The following PIGO variants were observed in gnomAD, a reference collection of about 807,000 sequenced individuals.
The protein encoded by PIGO is GPI ethanolamine phosphate transferase 3, catalytic subunit.
In PIGO, 66 loss-of-function variants were observed where a neutral mutation model predicts 86.9. The observed-to-expected ratio is 0.76, with a 90% CI of 0.62 to 0.93. PIGO has a LOEUF of 0.93. Among genes scored for constraint, PIGO ranks in the 40% least tolerant of loss-of-function variants. PIGO has a pLI of 0.00. For missense variants in PIGO, 1,202 were observed against 1,359.1 expected, an observed-to-expected ratio of 0.88 and a Z score of 1.82; for synonymous variants, 570 against 556.4, an observed-to-expected ratio of 1.02 and a Z score of -0.34.
In PIGO at chr9:35,090,130, G is replaced by A; in HGVS notation, c.3005C>T (p.Pro1002Leu). Residue 1002 changes from proline (P) to leucine (L), a missense_variant, in exon 9 of 11, where the codon CCT becomes CTT. Coordinates refer to ENST00000378617, the MANE Select transcript of PIGO (RefSeq NM_032634.4). ...PLMEMRLRDA[P>L]QHFYAALLQL... is the part of the protein sequence containing the mutation. ...CAGCAGTGCTGCATAGAAGTGCTGA[G>A]GCGCATCCCGGAGCCGCATCTCCAT... 2 of 1,614,258 alleles carry A rather than the reference G, an allele frequency of 1.2e-6. No individual in the cohort carries two copies. Among genetic ancestry groups the A allele is most frequent in the Non-Finnish European group, 1.7e-6 (2 of 1,180,046 alleles).
chr9:35,091,598 C>T lies in PIGO; in HGVS notation c.2289G>A (p.Val763=), dbSNP rs751387350. 2.5e-6 allele frequency: 4 copies of T among 1,613,892 alleles called. No homozygotes were observed. Among genetic ancestry groups the T allele is most frequent in the East Asian group, 4.5e-5 (2 of 44,880 alleles). The change falls in exon 7 of 11, where the codon GTG becomes GTA. Residue 763 remains valine (V), a synonymous_variant. Coordinates refer to ENST00000378617, the MANE Select transcript of PIGO (RefSeq NM_032634.4). ...CTGCCCCAGCCTTCACCAGCACTGT[C>T]ACAGGCTTCCAGAGCAGCAGCGCGA... ...SGLALLLWKP[V]TVLVKAGAGA...
rs1829342225 is a variant in PIGO, at chr9:35,090,077, G to A, written c.3058C>T (p.Leu1020Phe). ...TCTCCTACACCCACCTGAATACCAA[G>A]GATAAAGAGGTACTTGAGGCCCAGC... ...LQLGLKYLFI[L>F]GIQILACALA... The change falls in exon 9 of 11, where the codon CTT (leucine) becomes TTT (phenylalanine). Residue 1020 changes from leucine (L) to phenylalanine (F), a missense_variant. Coordinates refer to ENST00000378617, the MANE Select transcript of PIGO (RefSeq NM_032634.4). 1.2e-6 allele frequency: 2 copies of A among 1,613,702 alleles called. No homozygotes were observed. Among genetic ancestry groups the A allele is most frequent in the Non-Finnish European group, 1.7e-6 (2 of 1,179,738 alleles).
intron 8 of PIGO, 59 bp from the exon 9 acceptor site, chr9:35,090,339 A>T: frequency 6.3e-7 from 1 of 1,587,098 alleles, no homozygotes; most frequent in Non-Finnish European, 8.6e-7. Context: ...CTCAGGTTCC[A>T]ATTAGCCTAG....
At chr9:35,094,406 T>C (rs931390510) in intron 2 of PIGO, 47 bp from the exon 3 acceptor site, 2 of 1,572,450 alleles carry the variant, frequency 1.3e-6, no homozygotes, top group Non-Finnish European at 1.7e-6. Context: ...AACGTCAGGG[T>C]TAGGAGAAAA....
rs750636989 is a variant in PIGO, at chr9:35,092,665, G to A, written c.1222C>T (p.Gln408Ter). 2 of 1,614,222 alleles carry A rather than the reference G, an allele frequency of 1.2e-6. No individual in the cohort carries two copies. Among genetic ancestry groups the A allele is most frequent in the Admixed American group, 3.3e-5 (2 of 60,032 alleles). ...NLFSKASADY[Q>*]WLLQSPKGAE... The stretch of plus-strand genomic sequence containing the variant: ...CCCTTGGGGCTCTGGAGAAGCCACT[G>A]GTAGTCAGCAGAGGCCTTGGAGAAG... The change falls in exon 7 of 11, where the codon CAG becomes TAG. Residue 408 changes from glutamine to a stop codon, truncating the protein, a stop_gained. Coordinates refer to ENST00000378617, the MANE Select transcript of PIGO (RefSeq NM_032634.4). LOFTEE classifies it high-confidence loss of function.
At position 35,094,217 on chromosome 9, in the gene PIGO, G is replaced by T. The variant is rs771878759; in HGVS notation, c.654C>A (p.Thr218=). ...TAAGTGCTCTGGCCCCATGCTCACTGGTGGGGTAGAGGTGTTCCAGGATGC... is the reference window on the plus strand; with the variant it reads ...TAAGTGCTCTGGCCCCATGCTCACTTGTGGGGTAGAGGTGTTCCAGGATGC... The part of the protein sequence containing the change: ...DNGILEHLYP[T]MDSGEWDVLI... Residue 218 remains threonine, a splice_region_variant and synonymous_variant, in exon 3 of 11, where the codon ACC becomes ACA. Coordinates refer to ENST00000378617, the MANE Select transcript of PIGO (RefSeq NM_032634.4). 1 of 1,590,728 alleles carries T rather than the reference G, an allele frequency of 6.3e-7. No homozygotes were observed. The highest frequency in any genetic ancestry group is 8.5e-7 in the Non-Finnish European group (1 of 1,173,822).
Position 35,089,009 on chromosome 9 carries a change from C to T in PIGO, c.*83G>A. On this transcript the variant is annotated 3_prime_UTR_variant, in exon 11 of 11. Transcript: ENST00000378617. ...TAAGAGTATGGCTGAGCCTGTCTTGCAGATCATCCAGTACCTGTACAGGCC... is the reference window on the plus strand; with the variant it reads ...TAAGAGTATGGCTGAGCCTGTCTTGTAGATCATCCAGTACCTGTACAGGCC... The T allele has an allele frequency of 2.6e-6, 4 of 1,565,844 alleles. No individual in the cohort carries two copies. The South Asian group carries it at 4.6e-5, about 18-fold the overall frequency.
Position 35,093,475 on chromosome 9 carries a change from T to C in PIGO, c.885A>G (p.Ser295=), listed in dbSNP as rs1321880937. 2 of 1,614,084 alleles carry C rather than the reference T, an allele frequency of 1.2e-6. No individual in the cohort carries two copies. Among genetic ancestry groups the C allele is most frequent in the South Asian group, 1.1e-5 (1 of 91,086 alleles). The change falls in exon 5 of 11, where the codon TCA becomes TCG. Residue 295 remains serine (S), a synonymous_variant. Transcript: ENST00000378617. The stretch of plus-strand genomic sequence containing the variant: ...TGGGGCTATACAGAAAGAGAGCAGC[T>C]GAGACCTCCAGCTCACTGTCCCCTC... ...DHGGDSELEV[S]AALFLYSPTA...
Position 35,092,960 on chromosome 9 carries a change from G to T in PIGO, c.1119+70C>A, listed in dbSNP as rs565358546. 7.3e-6 allele frequency: 11 copies of T among 1,515,658 alleles called. No individual in the cohort carries two copies. In the South Asian group the frequency reaches 1.4e-4, roughly 19 times the overall value. The allele number at this position is 1,515,658 out of a possible 1,614,324, so 93.9% of individuals were successfully genotyped here. On this transcript the variant is annotated intron_variant, in intron 6 of 10. Coordinates refer to ENST00000378617, the MANE Select transcript of PIGO (RefSeq NM_032634.4). ...GACTAAGACTAGTCAAAGGACAAAA[G>T]AGTGGTTCATTATGCTTCTTTCATG...
chr9:35,091,667 G>A lies in PIGO; in HGVS notation c.2220C>T (p.Ser740=), dbSNP rs752508027. 8.7e-6 allele frequency: 14 copies of A among 1,612,942 alleles called. No individual in the cohort carries two copies. In the South Asian group the frequency reaches 1.3e-4, roughly 15 times the overall value. The change falls in exon 7 of 11, where the codon TCC becomes TCT. Residue 740 remains serine (S), a synonymous_variant. Transcript: ENST00000378617. ...PRLRVLVSGA[S]MVLPRAVAGL... is the part of the protein sequence containing the mutation. ...CTGCTACAGCCCGAGGCAGCACCAT[G>A]GATGCCCCAGAGACCAGGACCCGGA... is the stretch of plus-strand genomic sequence containing the variant.
At chr9:35,094,101 T>C (rs777691502) in intron 3 of PIGO, 77 bp from the exon 4 acceptor site, 109 of 1,573,272 alleles carry the variant, frequency 6.9e-5, no homozygotes, top group Non-Finnish European at 8.8e-5. Flanking sequence ...CACTCCTCTA[T>C]GTCCAGGGAT....
rs374450091 is a variant in PIGO, at chr9:35,089,367, C to G, written c.3140+13G>C. The G allele has an allele frequency of 1.9e-6, 3 of 1,614,098 alleles. No individual in the cohort carries two copies. In the African/African-American group the frequency reaches 4.0e-5, roughly 22 times the overall value. Reference sequence around the variant, plus strand: ...CTCCCCACCACCTCTACTTCTCAAGCAAATCTACTCACTTAGGGGCAAACA... The same window carrying G: ...CTCCCCACCACCTCTACTTCTCAAGGAAATCTACTCACTTAGGGGCAAACA... On this transcript the variant is annotated intron_variant, in intron 10 of 10. Transcript: ENST00000378617.
intron 7 of PIGO, 60 bp from the exon 8 acceptor site, chr9:35,090,732 G>T: frequency 6.6e-7 from 1 of 1,516,858 alleles, no homozygotes; most frequent in African/African-American, 1.4e-5. Context: ...ATAGGCTACT[G>T]CTCCACAATC....
chr9:35,090,386 C>T, intron 8 of PIGO, 80 bp downstream of exon 8: 1 of 1,549,512 alleles, frequency 6.5e-7, no homozygotes, highest in Admixed American at 1.9e-5. Context: ...ACCCATATCT[C>T]TCCATTCAAA....
At position 35,092,011 on chromosome 9, in the gene PIGO, TTCCAAGCC is replaced by T; in HGVS notation, c.1868_1875del (p.Arg623AsnfsTer18). On this transcript the variant is annotated frameshift_variant, in exon 7 of 11. Transcript: ENST00000378617. LOFTEE classifies it high-confidence loss of function. ...AGCCTTGTACATAAAAGCAACCCAA[TTCCAAGCC>T]TCAGGGCATATGCACCATTGTGCCG... The T allele has an allele frequency of 6.2e-7, 1 of 1,614,166 alleles. No homozygotes were observed. The highest frequency in any genetic ancestry group is 8.5e-7 in the Non-Finnish European group (1 of 1,180,032).
Position 35,091,569 on chromosome 9 carries a change from G to A in PIGO, c.2318C>T (p.Ala773Val), listed in dbSNP as rs776019714. 2 of 1,614,076 alleles carry A rather than the reference G, an allele frequency of 1.2e-6. No homozygotes were observed. The highest frequency in any genetic ancestry group is 1.1e-5 in the South Asian group (1 of 91,076). ...VTVLVKAGAG[A>V]PRTRTVLTPF... ...AGTGAGGACAGTCCTGGTCCTTGGA[G>A]CGCCTGCCCCAGCCTTCACCAGCAC... is the stretch of plus-strand genomic sequence containing the variant. Residue 773 changes from alanine to valine, a missense_variant, in exon 7 of 11, where the codon GCT becomes GTT. By Grantham distance (64) the Ala-to-Val change is moderately conservative. Coordinates refer to ENST00000378617, the MANE Select transcript of PIGO (RefSeq NM_032634.4).
chr9:35,091,086 AAG>A (rs1829394822), intron 7 of PIGO, 152 bp downstream of exon 7: 8 of 840,338 alleles, frequency 9.5e-6, no homozygotes, highest in Non-Finnish European at 1.4e-5. Flanking sequence ...TATGGCAGGT[AAG>A]AGAGAGGACA....
intron 3 of PIGO, 55 bp downstream of exon 3, chr9:35,094,161 A>G (rs1829563094): frequency 1.3e-6 from 2 of 1,561,810 alleles, no homozygotes; most frequent in African/African-American, 1.4e-5. Flanking sequence ...TGTGGACTAA[A>G]GCAGTTCTCC....
rs1002652320 is a variant in PIGO, at chr9:35,096,217, C to T, written c.-64G>A. ...ACCCAGTGGAAAGGGATCGAAGCCG[C>T]AGGGGAATCCGGGCCCAGCCGACGG... On this transcript the variant is annotated 5_prime_UTR_variant, in exon 1 of 11. Transcript: ENST00000378617. 2.6e-5 allele frequency: 4 copies of T among 152,196 alleles called. No homozygotes were observed. Among genetic ancestry groups the T allele is most frequent in the Non-Finnish European group, 5.9e-5 (4 of 68,030 alleles). 9.4% of individuals were successfully genotyped at this position (152,196 alleles called of 1,614,324 possible).
Sources: allele counts gnomAD v4.1 joint callset, GRCh38; gene constraint gnomAD v4.1.1; transcripts MANE v1.5; gene names NCBI Gene and HGNC (gene_info 2026-07-23, HGNC 2026-07-21).